MMP26: variants seen among roughly 807,000 people sequenced by gnomAD.
The protein encoded by MMP26 is matrix metallopeptidase 26, also known as matrix metalloproteinase-26.
A neutral mutation model predicts 31.0 loss-of-function variants in MMP26; 33 were observed. The observed-to-expected ratio is 1.06, with a 90% CI of 0.81 to 1.42. The LOEUF (loss-of-function observed/expected upper bound fraction) is 1.42. Ranked by LOEUF, MMP26 falls within the 40% of genes most tolerant of loss-of-function variation. The pLI is 0.00. For synonymous variants in MMP26, 122 were observed against 114.9 expected (o/e 1.06, Z -0.40); for missense variants, 347 against 316.1 (o/e 1.10, Z -0.74).
intron 2 of MMP26, among the ~76,000 whole-genome samples, chr11:4,858,630 A>G (rs569979429): frequency 6.6e-6 from 1 of 152,310 alleles, no homozygotes; most frequent in African/African-American, 2.4e-5. Context: ...TTAATATCAT[A>G]AAAATGGCCA....
intron 1 of MMP26, among the ~76,000 whole-genome samples, chr11:4,733,358 TA>T (rs1237195583): frequency 1.3e-5 from 2 of 152,200 alleles, no homozygotes. Flanking sequence ...TATTTTGGTG[TA>T]TGATATTTTC....
intron 2 of MMP26, among the ~76,000 whole-genome samples, chr11:4,845,259 G>A (rs1849851184): frequency 6.6e-6 from 1 of 151,732 alleles, no homozygotes; most frequent in South Asian, 2.1e-4. Flanking sequence ...AGTTGAAGAG[G>A]GTACCAAGAA....
rs16906639 is a variant in MMP26 at position 4,818,099 on chromosome 11, G to C, written c.-145+50758G>C. Among the ~76,000 whole-genome samples the C allele has an allele frequency of 7.7e-3, 1,177 of 152,308 alleles. 58 individuals carry two copies. The highest frequency in any genetic ancestry group is 0.068 in the Admixed American group (1,037 of 15,308). Reference sequence around the variant, plus strand: ...TGGGAAGCAGGGCTCAGAGTGACAGGCTTAGACTAAAGGGTGTAGGAATTA... The same window carrying C: ...TGGGAAGCAGGGCTCAGAGTGACAGCCTTAGACTAAAGGGTGTAGGAATTA... On this transcript the variant is annotated intron_variant, in intron 2 of 7. Transcript: ENST00000380390.
At chr11:4,783,448 C>A (rs894358772) in intron 2 of MMP26, among the ~76,000 whole-genome samples, 6 of 152,202 alleles carry the variant, frequency 3.9e-5, no homozygotes, top group Admixed American at 2.0e-4. Flanking sequence ...TTGTACCTAG[C>A]AAGAAACTAA....
intron 1 of MMP26, among the ~76,000 whole-genome samples, chr11:4,755,684 A>G (rs1848496830): frequency 1.3e-5 from 2 of 152,170 alleles, no homozygotes; most frequent in South Asian, 4.1e-4. Flanking sequence ...AAAGAAATAT[A>G]CAGTGTTGGT....
intron 2 of MMP26, among the ~76,000 whole-genome samples, chr11:4,905,084 G>A (rs1349540619): frequency 1.3e-5 from 2 of 152,212 alleles, no homozygotes; most frequent in East Asian, 3.9e-4. Context: ...AAATAAAAAG[G>A]AATAAGAGTT....
At chr11:4,976,638 C>T (rs1846740523) in intron 2 of MMP26, among the ~76,000 whole-genome samples, 1 of 151,978 alleles carries the variant, frequency 6.6e-6, no homozygotes, top group Admixed American at 6.6e-5. Flanking sequence ...TTTAGTGGAA[C>T]AAAGGCCTCT....
chr11:4,851,417 T>A (rs532862256), intron 2 of MMP26, among the ~76,000 whole-genome samples: 10 of 152,114 alleles, frequency 6.6e-5, no homozygotes, highest in Non-Finnish European at 1.5e-4. Context: ...AGGTGAGGAT[T>A]TAACACAGAG....
At chr11:4,707,510 A>T in intron 1 of MMP26, among the ~76,000 whole-genome samples, 1 of 152,164 alleles carries the variant, frequency 6.6e-6, no homozygotes, top group East Asian at 1.9e-4. Context: ...CTGCTTCCTC[A>T]TTTTTAAAAT....
intron 2 of MMP26, chr11:4,877,331 G>A (rs1850397154): frequency 6.6e-6 from 1 of 152,156 alleles, no homozygotes; most frequent in South Asian, 2.1e-4. Flanking sequence ...CCTCTCATTG[G>A]TATGACCCTA....
At chr11:4,764,246 A>G (rs1848601142) in intron 1 of MMP26, among the ~76,000 whole-genome samples, 1 of 152,310 alleles carries the variant, frequency 6.6e-6, no homozygotes, top group East Asian at 1.9e-4. Context: ...TTTAAAGTTG[A>G]CAATATTTTT....
intron 2 of MMP26, among the ~76,000 whole-genome samples, chr11:4,826,277 A>G (rs2133476451): frequency 6.6e-6 from 1 of 152,174 alleles, no homozygotes; most frequent in African/African-American, 2.4e-5. Flanking sequence ...CTAGGAGTAT[A>G]ATGCGTTTCC....
At chr11:4,724,033 C>T (rs1246108955) in intron 1 of MMP26, 11 of 676,064 alleles carry the variant, frequency 1.6e-5, no homozygotes, top group East Asian at 7.6e-5. Context: ...CAGGCTACCC[C>T]GGAAGCTGCT....
chr11:4,973,249 C>G (rs1846689670), intron 2 of MMP26: 1 of 154,966 alleles, frequency 6.5e-6, no homozygotes, highest in Non-Finnish European at 1.4e-5. Flanking sequence ...AAATAAATGT[C>G]AAGTCTAGGA....
At chr11:4,821,271 G>A (rs1176428121) in intron 2 of MMP26, 2 of 835,028 alleles carry the variant, frequency 2.4e-6, no homozygotes, top group Non-Finnish European at 3.8e-6. Flanking sequence ...GTGTAGCTCT[G>A]GGAAGCTAAA....
intron 2 of MMP26, chr11:4,973,846 A>C (rs1477202557): frequency 6.6e-6 from 1 of 152,214 alleles, no homozygotes; most frequent in Non-Finnish European, 1.5e-5. Flanking sequence ...CCAAGTAGAA[A>C]ATAGAGATTT....
chr11:4,884,724 T>A (rs1197434227), intron 2 of MMP26, among the ~76,000 whole-genome samples: 1 of 152,168 alleles, frequency 6.6e-6, no homozygotes, highest in Admixed American at 6.6e-5. Context: ...CAATCCTCTA[T>A]TTGCAATGGA....
rs138083227 is a variant in MMP26, at chr11:4,902,081, T to G, written c.-144-85987T>G. Among the ~76,000 whole-genome samples, 469 of 152,332 alleles carry G rather than the reference T, an allele frequency of 3.1e-3. 2 individuals are homozygous for G. Among genetic ancestry groups the G allele is most frequent in the African/African-American group, 0.011 (454 of 41,572 alleles). On this transcript the variant is annotated intron_variant, in intron 2 of 7. Transcript: ENST00000380390. ...AGTCCACAGTAGTCCTCCATGACCCTTTTCGTTACACACACAAAAGTAGCC... is the reference window on the plus strand; with the variant it reads ...AGTCCACAGTAGTCCTCCATGACCCGTTTCGTTACACACACAAAAGTAGCC...
At chr11:4,907,624 C>G (rs1446356214) in intron 2 of MMP26, 2 of 1,613,938 alleles carry the variant, frequency 1.2e-6, no homozygotes, top group Admixed American at 3.3e-5. Flanking sequence ...TGAGGGTCTT[C>G]TTGTTCAATG....
Sources: gnomAD v4.1 joint callset for allele counts (sites outside exome capture counted in the v4.1 genomes callset) on GRCh38, gnomAD v4.1.1 for gene constraint, MANE v1.5 for transcripts, NCBI Gene and HGNC (gene_info 2026-07-23, HGNC 2026-07-21) for gene names.